Variants in SH3BP4 observed in about 807,000 individuals in gnomAD.
The protein encoded by SH3BP4 is SH3 domain binding protein 4.
In SH3BP4, 33 loss-of-function variants were observed where a neutral mutation model predicts 65.5. The ratio of observed to expected loss-of-function variants is 0.50; its 90% CI spans 0.38 to 0.67. The LOEUF (loss-of-function observed/expected upper bound fraction) is 0.67, where lower values mean the gene tolerates loss of function less well. Among genes scored for constraint, SH3BP4 ranks in the 30% least tolerant of loss-of-function variants. The pLI is 0.00. For synonymous variants in SH3BP4, 552 were observed against 545.5 expected (o/e 1.01, Z -0.17); for missense variants, 1,134 against 1,261.4 (o/e 0.90, Z 1.53).
rs1696151023 is a variant in SH3BP4 at position 235,054,081 on chromosome 2, T to C, written c.*265T>C. The C allele has an allele frequency of 2.4e-6, 1 of 415,970 alleles. No homozygotes were observed. Among genetic ancestry groups the C allele is most frequent in the Non-Finnish European group, 4.3e-6 (1 of 231,458 alleles). 25.8% of individuals were successfully genotyped at this position (415,970 alleles called of 1,614,324 possible). On this transcript the variant is annotated 3_prime_UTR_variant, in exon 6 of 6. Coordinates refer to ENST00000392011, the MANE Select transcript of SH3BP4 (RefSeq NM_014521.3). The stretch of plus-strand genomic sequence containing the variant: ...AATTTAAAATCACTTTTTTAACGAA[T>C]GGGGGGAAGGGATCTATGAGAAAGG...
intron 4 of SH3BP4, among the ~76,000 whole-genome samples, chr2:235,049,463 G>A (rs1360238334): frequency 1.3e-5 from 2 of 152,198 alleles, no homozygotes; most frequent in Non-Finnish European, 2.9e-5. Context: ...GGGACATTGA[G>A]TGACTTCGTG....
intron 1 of SH3BP4, among the ~76,000 whole-genome samples, chr2:234,953,707 G>C (rs1012418376): frequency 1.3e-5 from 2 of 152,134 alleles, no homozygotes; most frequent in African/African-American, 4.8e-5. Flanking sequence ...ACATTCTACT[G>C]TTCCTCATTG....
At position 234,976,758 on chromosome 2, in the gene SH3BP4, C is replaced by T. The variant is rs537079483; in HGVS notation, c.-206-18545C>T. Among the ~76,000 whole-genome samples, 678 of 96,134 alleles carry T rather than the reference C, an allele frequency of 7.1e-3. No homozygotes were observed. Among genetic ancestry groups the T allele is most frequent in the Non-Finnish European group, 8.9e-3 (433 of 48,688 alleles). The allele number at this position is 96,134 out of a possible 152,430, so 63.1% of individuals were successfully genotyped here. On this transcript the variant is annotated intron_variant, in intron 1 of 5. Coordinates refer to ENST00000392011, the MANE Select transcript of SH3BP4 (RefSeq NM_014521.3). The surrounding 1 kb of genome is among the most constrained non-coding windows in gnomAD (Gnocchi z 4.7). ...CCAGTCTAACTGGGAGAAAAACCCC[C>T]AGCCGAGGGGCGTCTTACAGAATAC...
Position 235,042,392 on chromosome 2 carries a change from G to A in SH3BP4, c.1623G>A (p.Met541Ile). The A allele has an allele frequency of 1.2e-6, 2 of 1,614,172 alleles. No individual in the cohort carries two copies. Among genetic ancestry groups the A allele is most frequent in the Non-Finnish European group, 8.5e-7 (1 of 1,180,024 alleles). Residue 541 changes from methionine (M) to isoleucine (I), a missense_variant, in exon 4 of 6, where the codon ATG becomes ATA. By Grantham distance (10) the Met-to-Ile change is conservative (BLOSUM62 1). Transcript: ENST00000392011. This position sits in a 1 kb window ranked among gnomAD's most constrained non-coding sequence, Gnocchi z 7.3. ...LSRPQDLKVC[M>I]FSNMTNYEVK... The stretch of plus-strand genomic sequence containing the variant: ...GGCCCCAGGATCTCAAGGTCTGTAT[G>A]TTTTCCAATATGACGAATTACGAGG...
At chr2:235,047,069 A>C (rs1695886778) in intron 4 of SH3BP4, among the ~76,000 whole-genome samples, 1 of 152,208 alleles carries the variant, frequency 6.6e-6, no homozygotes, top group Admixed American at 6.5e-5. Context: ...CTCATTCCTC[A>C]TAAAGGGTTG....
At chr2:235,000,379 G>C (rs935206253) in intron 2 of SH3BP4, among the ~76,000 whole-genome samples, 2 of 152,178 alleles carry the variant, frequency 1.3e-5, no homozygotes, top group African/African-American at 4.8e-5. Flanking sequence ...TGTGCCTGAC[G>C]TTTCATTCAT....
At chr2:234,982,725 G>A (rs949344729) in intron 1 of SH3BP4, among the ~76,000 whole-genome samples, 3 of 152,138 alleles carry the variant, frequency 2.0e-5, no homozygotes, top group African/African-American at 7.2e-5. Flanking sequence ...GGAGGAGGTG[G>A]GATATGTATA....
intron 2 of SH3BP4, among the ~76,000 whole-genome samples, chr2:235,013,357 C>G (rs1159644578): frequency 6.6e-6 from 1 of 152,174 alleles, no homozygotes; most frequent in Admixed American, 6.5e-5. Flanking sequence ...CTCCAGTTGT[C>G]TCCGGTGTCT....
At chr2:235,014,467 T>G (rs1694624944) in intron 2 of SH3BP4, among the ~76,000 whole-genome samples, 1 of 152,172 alleles carries the variant, frequency 6.6e-6, no homozygotes, top group African/African-American at 2.4e-5. Context: ...AGTTTTAGCC[T>G]TTAGGGAAAT....
At chr2:235,040,141 A>G (rs112784962) in intron 3 of SH3BP4, among the ~76,000 whole-genome samples, 2 of 152,326 alleles carry the variant, frequency 1.3e-5, no homozygotes, top group African/African-American at 4.8e-5. Context: ...AGGCTGAGGC[A>G]GGAGAATCAC....
At position 235,052,814 on chromosome 2, in the gene SH3BP4, C is replaced by A. The variant is rs1696104544; in HGVS notation, c.2667+64C>A. The A allele has an allele frequency of 1.4e-6, 2 of 1,406,746 alleles. No individual in the cohort carries two copies. The highest frequency in any genetic ancestry group is 9.5e-7 in the Non-Finnish European group (1 of 1,049,948). 87.1% of individuals were successfully genotyped at this position (1,406,746 alleles called of 1,614,324 possible). Reference sequence around the variant, plus strand: ...TGTCCCTGGGTTCCGTGGACCCATGCAGTGCAGCCATAAAAAGTCTTGCCT... The same window carrying A: ...TGTCCCTGGGTTCCGTGGACCCATGAAGTGCAGCCATAAAAAGTCTTGCCT... On this transcript the variant is annotated intron_variant, in intron 5 of 5. Coordinates refer to ENST00000392011, the MANE Select transcript of SH3BP4 (RefSeq NM_014521.3). The surrounding 1 kb of genome is among the most constrained non-coding windows in gnomAD (Gnocchi z 5.0).
chr2:234,975,543 G>A (rs765207963), intron 1 of SH3BP4, among the ~76,000 whole-genome samples: 52 of 152,168 alleles, frequency 3.4e-4, no homozygotes, highest in Non-Finnish European at 6.9e-4. Context: ...CTGAGGCACC[G>A]AGCAGTTCGC....
chr2:235,015,029 A>G (rs1244865103), intron 2 of SH3BP4, among the ~76,000 whole-genome samples: 1 of 152,226 alleles, frequency 6.6e-6, no homozygotes, highest in East Asian at 1.9e-4. Flanking sequence ...TGGGCCTTAA[A>G]TGGCTCAAAC....
chr2:235,003,667 G>A (rs887477185), intron 2 of SH3BP4, among the ~76,000 whole-genome samples: 1 of 152,322 alleles, frequency 6.6e-6, no homozygotes, highest in East Asian at 1.9e-4. Flanking sequence ...ACGGGAGTGA[G>A]AAGTTGCAGT....
At chr2:234,962,775 G>T (rs1692744793) in intron 1 of SH3BP4, among the ~76,000 whole-genome samples, 1 of 151,832 alleles carries the variant, frequency 6.6e-6, no homozygotes, top group South Asian at 2.1e-4. Flanking sequence ...TTTTAGGCTG[G>T]AGTGCAGTGA....
intron 2 of SH3BP4, among the ~76,000 whole-genome samples, chr2:235,016,942 A>G (rs1694701938): frequency 6.6e-6 from 1 of 152,078 alleles, no homozygotes; most frequent in African/African-American, 2.4e-5. Flanking sequence ...CTTGAGAGCA[A>G]AACACGTTGA....
In SH3BP4 at chr2:235,052,525, CT is replaced by C; in HGVS notation, c.2479-36del. 6.7e-7 allele frequency: 1 copy of C among 1,503,238 alleles called. No individual in the cohort carries two copies. 93.1% of individuals were successfully genotyped at this position (1,503,238 alleles called of 1,614,324 possible). On this transcript the variant is annotated intron_variant, in intron 4 of 5. Coordinates refer to ENST00000392011, the MANE Select transcript of SH3BP4 (RefSeq NM_014521.3). This position sits in a 1 kb window ranked among gnomAD's most constrained non-coding sequence, Gnocchi z 5.0. Reference sequence around the variant, plus strand: ...CGGGGAGCAGAGCCTGCCCCACTCCCTACACTGTCTCACGCTGTGTGCCTCT... The same window carrying C: ...CGGGGAGCAGAGCCTGCCCCACTCCCACACTGTCTCACGCTGTGTGCCTCT...
rs375039598 is a variant in SH3BP4, at chr2:235,034,185, A to AGG, written c.-132-683_-132-682dup. Among the ~76,000 whole-genome samples the AGG allele has an allele frequency of 1.6e-3, 250 of 152,278 alleles. 1 individual carries two copies. The highest frequency in any genetic ancestry group is 5.9e-3 in the African/African-American group (247 of 41,560). Reference sequence around the variant, plus strand: ...TCCAGAAAAAAAAAGCAGAGGCCTTAGGGGTGATTCTTGTGGTCTCTTCCA... The same window carrying AGG: ...TCCAGAAAAAAAAAGCAGAGGCCTTAGGGGGGTGATTCTTGTGGTCTCTTCCA... On this transcript the variant is annotated intron_variant, in intron 2 of 5. Coordinates refer to ENST00000392011, the MANE Select transcript of SH3BP4 (RefSeq NM_014521.3). The surrounding 1 kb of genome is among the most constrained non-coding windows in gnomAD (Gnocchi z 6.2).
At position 235,041,431 on chromosome 2, in the gene SH3BP4, C is replaced by T. The variant is rs773831909; in HGVS notation, c.662C>T (p.Pro221Leu). 2 of 1,614,082 alleles carry T rather than the reference C, an allele frequency of 1.2e-6. No homozygotes were observed. Among genetic ancestry groups the T allele is most frequent in the East Asian group, 4.5e-5 (2 of 44,894 alleles). ...ACTGGCAACATCTTCGATGAGCTTC[C>T]AGTCACAAACGGACTCCACGCAGAG... is the stretch of plus-strand genomic sequence containing the variant. ...NSTGNIFDEL[P>L]VTNGLHAEPP... Residue 221 changes from proline to leucine, a missense_variant, in exon 4 of 6, where the codon CCA (proline) becomes CTA (leucine). Pro to Leu is a moderately conservative substitution (Grantham distance 98). Coordinates refer to ENST00000392011, the MANE Select transcript of SH3BP4 (RefSeq NM_014521.3). The surrounding 1 kb of genome is among the most constrained non-coding windows in gnomAD (Gnocchi z 6.0).
Sources: allele counts gnomAD v4.1 joint callset (sites outside exome capture counted in the v4.1 genomes callset), GRCh38; gene constraint gnomAD v4.1.1; non-coding constraint Gnocchi (gnomAD v3.1); transcripts MANE v1.5; gene names NCBI Gene and HGNC (gene_info 2026-07-23, HGNC 2026-07-21).